Variants in MRPL3 observed in about 807,000 individuals in gnomAD.
The protein encoded by MRPL3 is large ribosomal subunit protein uL3m.
Under a neutral mutation model 44.3 loss-of-function variants are expected in MRPL3, and 43 were observed. That is an observed-to-expected ratio of 0.97 (90% confidence interval 0.76 to 1.25). The LOEUF is 1.25. Among genes scored for constraint, MRPL3 ranks in the 50% most tolerant of loss-of-function variants. The pLI is 0.00. For synonymous variants in MRPL3, 171 were observed against 152.3 expected, an observed-to-expected ratio of 1.12 and a Z score of -0.91; for missense variants, 406 against 427.6, an observed-to-expected ratio of 0.95 and a Z score of 0.45.
intron 4 of MRPL3, among the ~76,000 whole-genome samples, chr3:131,496,969 C>T (rs571615596): frequency 4.6e-5 from 7 of 152,326 alleles, no homozygotes; most frequent in Admixed American, 3.3e-4. Context: ...AGCACACATG[C>T]TCTTCCATGT....
intron 5 of MRPL3, among the ~76,000 whole-genome samples, chr3:131,488,488 T>A (rs1383750866): frequency 1.3e-5 from 2 of 152,136 alleles, no homozygotes; most frequent in African/African-American, 4.8e-5. Flanking sequence ...TTATAAGAAC[T>A]ATTTGGCAAT....
chr3:131,479,051 T>C (rs1480418020), intron 6 of MRPL3: 1 of 467,280 alleles, frequency 2.1e-6, no homozygotes, highest in East Asian at 5.7e-5. Context: ...TAGAGGTTTT[T>C]CAATTAGAAC....
intron 4 of MRPL3, among the ~76,000 whole-genome samples, chr3:131,493,543 T>G (rs1253557906): frequency 1.3e-5 from 2 of 152,174 alleles, no homozygotes; most frequent in African/African-American, 4.8e-5. Context: ...AGTGGCAAGT[T>G]AGACAATAAA....
chr3:131,490,111 C>T lies in MRPL3; in HGVS notation c.469-31G>A, dbSNP rs368412652. 1.5e-5 allele frequency: 21 copies of T among 1,429,102 alleles called. 1 individual carries two copies. The African/African-American group carries it at 2.1e-4, about 14-fold the overall frequency. The allele number at this position is 1,429,102 out of a possible 1,614,324, so 88.5% of individuals were successfully genotyped here. Reference sequence around the variant, plus strand: ...GGAAAAGCAGCACATATAAGTAATACATTGAATATTAAAAGTGGAATTAAA... The same window carrying T: ...GGAAAAGCAGCACATATAAGTAATATATTGAATATTAAAAGTGGAATTAAA... On this transcript the variant is annotated intron_variant, in intron 4 of 9. Coordinates refer to ENST00000264995, the MANE Select transcript of MRPL3 (RefSeq NM_007208.4).
chr3:131,500,649 C>T (rs1389212003), intron 2 of MRPL3, 128 bp from the exon 3 acceptor site: 6 of 706,062 alleles, frequency 8.5e-6, no homozygotes, highest in Admixed American at 4.4e-5. Flanking sequence ...CTAATATATT[C>T]ACAGAGTAAA....
intron 6 of MRPL3, 61 bp downstream of exon 6, chr3:131,487,619 A>T: frequency 7.9e-7 from 1 of 1,272,910 alleles, no homozygotes; most frequent in Non-Finnish European, 1.1e-6. Flanking sequence ...TCTTTCACTT[A>T]TTCTATTCTC....
At chr3:131,501,479 C>T in intron 2 of MRPL3, 52 bp downstream of exon 2, 1 of 1,400,548 alleles carries the variant, frequency 7.1e-7, no homozygotes, top group South Asian at 1.3e-5. Flanking sequence ...TTAAATGTGT[C>T]CAGCCACACA....
chr3:131,464,260 C>G (rs545604187), intron 9 of MRPL3, among the ~76,000 whole-genome samples: 5 of 152,254 alleles, frequency 3.3e-5, no homozygotes, highest in African/African-American at 7.2e-5. Flanking sequence ...AGAGATAACT[C>G]TCAGTTGCTT....
chr3:131,502,696 A>G (rs1162125925), intron 1 of MRPL3, 34 bp downstream of exon 1: 21 of 1,562,828 alleles, frequency 1.3e-5, no homozygotes, highest in Non-Finnish European at 1.7e-5. Context: ...TCAGGACGCA[A>G]CTGTGCAGGT....
chr3:131,489,966 C>T lies in MRPL3; in HGVS notation c.568+15G>A, dbSNP rs577280352. 90 of 1,551,344 alleles carry T rather than the reference C, an allele frequency of 5.8e-5. No individual in the cohort carries two copies. In the South Asian group the frequency reaches 9.1e-4, roughly 16 times the overall value. Reference sequence around the variant, plus strand: ...GGGTATTTTTACCTCCCTCCTCTCCCCAACCTCAAATTACCTGGTTTAATT... The same window carrying T: ...GGGTATTTTTACCTCCCTCCTCTCCTCAACCTCAAATTACCTGGTTTAATT... On this transcript the variant is annotated intron_variant, in intron 5 of 9. Coordinates refer to ENST00000264995, the MANE Select transcript of MRPL3 (RefSeq NM_007208.4).
At chr3:131,468,249 C>T in intron 8 of MRPL3, 81 bp from the exon 9 acceptor site, 3 of 759,754 alleles carry the variant, frequency 3.9e-6, no homozygotes, top group South Asian at 2.0e-5. Context: ...ATGTAAGTTG[C>T]TTGTAAAGTA....
chr3:131,494,305 A>G (rs1470415189), intron 4 of MRPL3, among the ~76,000 whole-genome samples: 1 of 152,156 alleles, frequency 6.6e-6, no homozygotes, highest in African/African-American at 2.4e-5. Flanking sequence ...AACACCCAAC[A>G]CCACTATTAT....
chr3:131,462,799 T>A lies in MRPL3; in HGVS notation c.971A>T (p.Asp324Val). 6.2e-7 allele frequency: 1 copy of A among 1,613,216 alleles called. No homozygotes were observed. The highest frequency in any genetic ancestry group is 1.1e-5 in the South Asian group (1 of 90,978). Reference protein sequence around the residue: ...LPFPTYFPDGDEEELPEDLYD... With the variant: ...LPFPTYFPDGVEEELPEDLYD... ...CAAATCTTCTGGCAGTTCCTCTTCATCTCCATCAGGAAAATATGTAGGGAA... is the reference window on the plus strand; with the variant it reads ...CAAATCTTCTGGCAGTTCCTCTTCAACTCCATCAGGAAAATATGTAGGGAA... Residue 324 changes from aspartate (D) to valine (V), a missense_variant, in exon 10 of 10, where the codon GAT becomes GTT. Transcript: ENST00000264995.
intron 6 of MRPL3, among the ~76,000 whole-genome samples, chr3:131,484,200 G>A (rs751193622): frequency 6.6e-6 from 1 of 152,178 alleles, no homozygotes; most frequent in Non-Finnish European, 1.5e-5. Context: ...AGGAGGAAAA[G>A]TGGTTTAACT....
rs1455291604 is a variant in MRPL3 at position 131,468,097 on chromosome 3, T to C, written c.888A>G (p.Leu296=). 15 of 1,550,486 alleles carry C rather than the reference T, an allele frequency of 9.7e-6. No individual in the cohort carries two copies. In the South Asian group the frequency reaches 1.3e-4, roughly 14 times the overall value. The part of the protein sequence containing the change: ...NGSVPGHKNC[L]VKVKDSKLPA... ...AGAAGACACTTATACTTACCTTTAC[T>C]AAGCAATTTTTATGTCCAGGTACAG... is the stretch of plus-strand genomic sequence containing the variant. The change falls in exon 9 of 10, where the codon TTA becomes TTG. Residue 296 remains leucine (L), a synonymous_variant. Coordinates refer to ENST00000264995, the MANE Select transcript of MRPL3 (RefSeq NM_007208.4).
In MRPL3 at chr3:131,488,220, A is replaced by G. The variant is rs539615825; in HGVS notation, c.569-480T>C. Among the ~76,000 whole-genome samples, 13 of 152,286 alleles carry G rather than the reference A, an allele frequency of 8.5e-5. 1 individual carries two copies. The highest frequency in any genetic ancestry group is 3.1e-4 in the African/African-American group (13 of 41,574). On this transcript the variant is annotated intron_variant, in intron 5 of 9. Coordinates refer to ENST00000264995, the MANE Select transcript of MRPL3 (RefSeq NM_007208.4). ...TGTATGACATCTATATAAAGCCTCT[A>G]CATATCAGATTTTGGGTGAACTCTT...
chr3:131,473,499 T>G (rs1271559406), intron 6 of MRPL3, among the ~76,000 whole-genome samples: 1 of 151,930 alleles, frequency 6.6e-6, no homozygotes. Flanking sequence ...GGGCAAGTAT[T>G]TTTAAATGAG....
At chr3:131,500,663 G>C in intron 2 of MRPL3, 142 bp from the exon 3 acceptor site, 1 of 653,394 alleles carries the variant, frequency 1.5e-6, no homozygotes, top group Non-Finnish European at 2.7e-6. Context: ...GAGTAAAGTA[G>C]GACTGTTCTT....
At chr3:131,469,433 G>C (rs1422815889) in intron 8 of MRPL3, among the ~76,000 whole-genome samples, 2 of 151,336 alleles carry the variant, frequency 1.3e-5, no homozygotes, top group East Asian at 1.9e-4. Context: ...AATCTTCCAG[G>C]TCCAAGAGTG....
Sources: allele counts gnomAD v4.1 joint callset (sites outside exome capture counted in the v4.1 genomes callset), GRCh38; gene constraint gnomAD v4.1.1; transcripts MANE v1.5; gene names NCBI Gene and HGNC (gene_info 2026-07-23, HGNC 2026-07-21).